The following TMEM40 variants were observed in gnomAD, a reference collection of about 807,000 sequenced individuals.
TMEM40 encodes the protein transmembrane protein 40.
Under a neutral mutation model 40.8 loss-of-function variants are expected in TMEM40, and 34 were observed. The observed-to-expected ratio is 0.83, with a 90% CI of 0.63 to 1.11. The LOEUF (loss-of-function observed/expected upper bound fraction) is 1.11, where lower values mean the gene tolerates loss of function less well. TMEM40 is among the 50% of genes least tolerant of loss of function. TMEM40 has a pLI of 0.00. For missense variants in TMEM40, 296 were observed against 280.2 expected (o/e 1.06, Z -0.40); for synonymous variants, 106 against 107.0 (o/e 0.99, Z 0.06).
chr3:12,767,646 GC>G (rs1553634804), intron 1 of TMEM40, among the ~76,000 whole-genome samples: 1 of 152,168 alleles, frequency 6.6e-6, no homozygotes, highest in Non-Finnish European at 1.5e-5. Flanking sequence ...AGCAGCATGG[GC>G]AAGACTCCTC....
intron 1 of TMEM40, chr3:12,769,229 G>C (rs1330479746): frequency 2.5e-6 from 1 of 404,726 alleles, no homozygotes; most frequent in South Asian, 1.7e-5. Context: ...CCCGGTTCCC[G>C]CCCGTGCCTT....
intron 5 of TMEM40, 56 bp from the exon 6 acceptor site, chr3:12,738,644 G>A: frequency 1.9e-6 from 3 of 1,586,020 alleles, no homozygotes; most frequent in Non-Finnish European, 2.6e-6. Flanking sequence ...GGGGGGAGAA[G>A]TCATGCTTCA....
intron 1 of TMEM40, among the ~76,000 whole-genome samples, chr3:12,766,681 C>T (rs1267490618): frequency 1.3e-5 from 2 of 152,100 alleles, no homozygotes; most frequent in East Asian, 3.8e-4. Flanking sequence ...TCCAGTCCAT[C>T]GGCCACCCTC....
At chr3:12,761,150 T>C (rs796113129), upstream of TMEM40, among the ~76,000 whole-genome samples, 17 of 152,272 alleles carry the variant, frequency 1.1e-4, no homozygotes, top group African/African-American at 3.9e-4. Flanking sequence ...AGGAGCACTA[T>C]TGTGTGGAGG....
intron 1 of TMEM40, among the ~76,000 whole-genome samples, chr3:12,753,275 G>C (rs948114062): frequency 1.9e-4 from 26 of 133,464 alleles, no homozygotes; most frequent in African/African-American, 7.5e-4. Flanking sequence ...CTGGAGTGCA[G>C]TGGCACGATC....
At chr3:12,734,916 T>C (rs532970729) in intron 11 of TMEM40, 123 bp from the exon 12 acceptor site, 8 of 1,084,188 alleles carry the variant, frequency 7.4e-6, no homozygotes, top group South Asian at 2.8e-5. Flanking sequence ...CCAGAAGCCA[T>C]GGGTCTCAAT....
upstream of TMEM40, among the ~76,000 whole-genome samples, chr3:12,760,610 A>G (rs9832078): frequency 0.092 from 13,921 of 151,870 alleles, 1,017 homozygotes; most frequent in African/African-American, 0.2. Context: ...TAGTAACCCC[A>G]CACCAGCTTT....
intron 1 of TMEM40, among the ~76,000 whole-genome samples, chr3:12,756,221 G>GA (rs1224322634): frequency 1.3e-5 from 2 of 152,108 alleles, no homozygotes; most frequent in African/African-American, 4.8e-5. Context: ...GAAACAATTT[G>GA]AAAGGTGGAT....
intron 1 of TMEM40, among the ~76,000 whole-genome samples, chr3:12,757,387 T>C (rs2061537155): frequency 6.6e-6 from 1 of 151,012 alleles, no homozygotes; most frequent in South Asian, 2.1e-4. Flanking sequence ...GAGAATCACT[T>C]GAACCCAGGA....
intron 1 of TMEM40, among the ~76,000 whole-genome samples, chr3:12,754,769 T>C (rs756216781): frequency 3.3e-5 from 5 of 152,118 alleles, no homozygotes; most frequent in Non-Finnish European, 5.9e-5. Context: ...GACCTAGGGA[T>C]GAGCTCCACA....
At chr3:12,756,699 T>G (rs1330266939) in intron 1 of TMEM40, among the ~76,000 whole-genome samples, 2 of 151,720 alleles carry the variant, frequency 1.3e-5, no homozygotes, top group African/African-American at 2.4e-5. Context: ...GCCAGGCGGG[T>G]CCCTTCTCCC....
chr3:12,768,568 G>T (rs540551073), intron 1 of TMEM40, among the ~76,000 whole-genome samples: 307 of 152,160 alleles, frequency 2.0e-3, no homozygotes, highest in South Asian at 5.6e-3. Context: ...ACAGAGTGCC[G>T]ACTGGTGCAT....
intron 1 of TMEM40, among the ~76,000 whole-genome samples, chr3:12,751,901 C>G (rs1461613728): frequency 6.6e-6 from 1 of 152,174 alleles, no homozygotes; most frequent in Non-Finnish European, 1.5e-5. Context: ...AGTCTCATCT[C>G]CATCCTGCTC....
chr3:12,734,929 A>C (rs3732687), intron 11 of TMEM40, 136 bp from the exon 12 acceptor site: 322,657 of 918,976 alleles, frequency 0.35, 58,611 homozygotes, highest in African/African-American at 0.42. Context: ...GTCTCAATGA[A>C]CCACAGTCAT....
chr3:12,767,674 G>A (rs1252326852), intron 1 of TMEM40, among the ~76,000 whole-genome samples: 4 of 152,174 alleles, frequency 2.6e-5, no homozygotes, highest in Non-Finnish European at 5.9e-5. Flanking sequence ...CCACTGCTCT[G>A]AGCAGGGGCC....
chr3:12,756,810 TCACA>T (rs1300372569), intron 1 of TMEM40, among the ~76,000 whole-genome samples: 2 of 151,258 alleles, frequency 1.3e-5, no homozygotes, highest in African/African-American at 4.9e-5. Context: ...TCTCTCTCTC[TCACA>T]CACACACACT....
chr3:12,755,981 C>T (rs1240354365), intron 1 of TMEM40, among the ~76,000 whole-genome samples: 5 of 152,282 alleles, frequency 3.3e-5, no homozygotes, highest in Admixed American at 2.0e-4. Flanking sequence ...TACAAACAAG[C>T]AACAGGAAAA....
intron 3 of TMEM40, among the ~76,000 whole-genome samples, chr3:12,747,186 CTTT>C (rs546380956): frequency 7.1e-6 from 1 of 141,286 alleles, no homozygotes; most frequent in Admixed American, 7.1e-5. Context: ...AAGACCAGAG[CTTT>C]TTTTTTTTTT....
upstream of TMEM40, among the ~76,000 whole-genome samples, chr3:12,760,046 AG>A (rs2061558196): frequency 2.0e-5 from 3 of 152,112 alleles, no homozygotes; most frequent in Admixed American, 2.0e-4. Flanking sequence ...CCCTAAGCTC[AG>A]CCCCCAGATC....
Sources: allele counts gnomAD v4.1 joint callset (sites outside exome capture counted in the v4.1 genomes callset), GRCh38; gene constraint gnomAD v4.1.1; transcripts MANE v1.5; gene names NCBI Gene and HGNC (gene_info 2026-07-23, HGNC 2026-07-21).